CYP2S1: variants seen among roughly 807,000 people sequenced by gnomAD.
The protein encoded by CYP2S1 is cytochrome P450 2S1.
In CYP2S1, 32 loss-of-function variants were observed where a neutral mutation model predicts 43.5. The observed-to-expected ratio is 0.74, with a 90% CI of 0.56 to 0.99. CYP2S1 has a LOEUF of 0.99. Among genes scored for constraint, CYP2S1 ranks in the 50% least tolerant of loss-of-function variants. The pLI, the probability that CYP2S1 is intolerant of heterozygous loss-of-function variation, is 0.00. For synonymous variants in CYP2S1, 283 were observed against 302.9 expected (o/e 0.93, Z 0.68); for missense variants, 575 against 673.9 (o/e 0.85, Z 1.62).
At chr19:41,200,826 G>A (rs544492558) in intron 5 of CYP2S1, among the ~76,000 whole-genome samples, 53 of 152,244 alleles carry the variant, frequency 3.5e-4, no homozygotes, top group African/African-American at 1.3e-3. Context: ...AATGTGAAAC[G>A]ACGCAGCCCT....
intron 2 of CYP2S1, among the ~76,000 whole-genome samples, chr19:41,196,883 A>G (rs902037563): frequency 2.6e-5 from 4 of 151,780 alleles, no homozygotes; most frequent in African/African-American, 9.7e-5. Flanking sequence ...GGAGGAAACA[A>G]CTCTTCATTC....
chr19:41,202,745 C>T (rs2033505680), intron 6 of CYP2S1, among the ~76,000 whole-genome samples: 1 of 151,568 alleles, frequency 6.6e-6, no homozygotes, highest in Non-Finnish European at 1.5e-5. Context: ...TTACAGTGAG[C>T]CGTCATTGTA....
chr19:41,193,442 G>A lies in CYP2S1; in HGVS notation c.177+1G>A, dbSNP rs1229318195. The A allele has an allele frequency of 9.7e-6, 14 of 1,446,706 alleles. No individual in the cohort carries two copies. Among genetic ancestry groups the A allele is most frequent in the African/African-American group, 1.5e-5 (1 of 67,294 alleles). 89.6% of individuals were successfully genotyped at this position (1,446,706 alleles called of 1,614,324 possible). On this transcript the variant is annotated splice_donor_variant, in intron 1 of 8. Coordinates refer to ENST00000310054, the MANE Select transcript of CYP2S1 (RefSeq NM_030622.8). LOFTEE classifies it high-confidence loss of function. Reference sequence around the variant, plus strand: ...GGCGCTGTATTCAGGGCTCATGCGGGTAAGGGGCTCTGGGGACGTCCTGGC... The same window carrying A: ...GGCGCTGTATTCAGGGCTCATGCGGATAAGGGGCTCTGGGGACGTCCTGGC...
At chr19:41,201,729 AG>A (rs1448998300) in intron 6 of CYP2S1, among the ~76,000 whole-genome samples, 1 of 151,188 alleles carries the variant, frequency 6.6e-6, no homozygotes, top group African/African-American at 2.4e-5. Context: ...AGAATTCTAG[AG>A]GGAAGAGTGG....
At chr19:41,197,482 C>G (rs1036367565) in intron 2 of CYP2S1, among the ~76,000 whole-genome samples, 2 of 152,044 alleles carry the variant, frequency 1.3e-5, no homozygotes, top group Non-Finnish European at 2.9e-5. Flanking sequence ...GGGTGGATCA[C>G]AAGGTCAGGA....
Position 41,198,485 on chromosome 19 carries a change from C to T in CYP2S1, c.517C>T (p.Leu173=). 6.2e-7 allele frequency: 1 copy of T among 1,614,156 alleles called. No homozygotes were observed. Among genetic ancestry groups the T allele is most frequent in the African/African-American group, 1.3e-5 (1 of 75,060 alleles). ...AGGACGCCCATTCGATCCCTCCCTGCTGCTGGCCCAGGCCACCTCCAACGT... is the reference window on the plus strand; with the variant it reads ...AGGACGCCCATTCGATCCCTCCCTGTTGCTGGCCCAGGCCACCTCCAACGT... ...TEGRPFDPSL[L]LAQATSNVVC... is the part of the protein sequence containing the mutation. The change falls in exon 4 of 9, where the codon CTG becomes TTG. Residue 173 remains leucine (L), a synonymous_variant. Coordinates refer to ENST00000310054, the MANE Select transcript of CYP2S1 (RefSeq NM_030622.8). This position sits in a 1 kb window ranked among gnomAD's most constrained non-coding sequence, Gnocchi z 4.9.
At chr19:41,201,565 T>TGTG (rs1382015375) in intron 6 of CYP2S1, among the ~76,000 whole-genome samples, 193 bp downstream of exon 6, 1 of 151,700 alleles carries the variant, frequency 6.6e-6, no homozygotes, top group Non-Finnish European at 1.5e-5. Flanking sequence ...AATTAGCGGG[T>TGTG]GTGGTGGCAT....
rs369539924 is a variant in CYP2S1, at chr19:41,194,539, C to T, written c.178-5C>T. The T allele has an allele frequency of 6.3e-7, 1 of 1,575,558 alleles. No individual in the cohort carries two copies. Among genetic ancestry groups the T allele is most frequent in the South Asian group, 1.2e-5 (1 of 85,246 alleles). Reference sequence around the variant, plus strand: ...ACCCTCCTCTTTCTTCCTCCCTACCCCCAGCTGAGTAAGAAGTACGGACCG... The same window carrying T: ...ACCCTCCTCTTTCTTCCTCCCTACCTCCAGCTGAGTAAGAAGTACGGACCG... On this transcript the variant is annotated splice_polypyrimidine_tract_variant and splice_region_variant and intron_variant, in intron 1 of 8. Coordinates refer to ENST00000310054, the MANE Select transcript of CYP2S1 (RefSeq NM_030622.8).
At chr19:41,197,742 G>A in intron 2 of CYP2S1, 37 bp from the exon 3 acceptor site, 1 of 1,606,044 alleles carries the variant, frequency 6.2e-7, no homozygotes, top group Non-Finnish European at 8.5e-7. Flanking sequence ...ATGGGGGAGA[G>A]GGGCCGGTCC....
intron 2 of CYP2S1, among the ~76,000 whole-genome samples, chr19:41,196,771 C>T (rs983399571): frequency 6.6e-6 from 1 of 152,078 alleles, no homozygotes. Flanking sequence ...GAAAATGGTG[C>T]AGTTCCATCC....
At chr19:41,205,857 T>G (rs111526069) in intron 7 of CYP2S1, 101 bp from the exon 8 acceptor site, 7 of 1,453,872 alleles carry the variant, frequency 4.8e-6, no homozygotes, top group African/African-American at 4.2e-5. Flanking sequence ...TTAGGTTTTG[T>G]GAACTAGTGT....
At position 41,206,198 on chromosome 19, in the gene CYP2S1, G is replaced by A. The variant is rs551371127; in HGVS notation, c.1307-82G>A. ...CTTCTGCACCCTGGGCTTACTGTTG[G>A]CTCCTCCACCTGCTGTTCCCCCCGT... On this transcript the variant is annotated intron_variant, in intron 8 of 8. Coordinates refer to ENST00000310054, the MANE Select transcript of CYP2S1 (RefSeq NM_030622.8). 422 of 1,609,550 alleles carry A rather than the reference G, an allele frequency of 2.6e-4. 1 individual carries two copies. In the Middle Eastern group the frequency reaches 5.4e-3, roughly 20 times the overall value.
chr19:41,207,036 C>T lies in CYP2S1; in HGVS notation c.*548C>T, dbSNP rs8192798. ...CACCACTCTCCCAGCCTGTGACCACCGATGTCCACACACCCCCAACCACTT... is the reference window on the plus strand; with the variant it reads ...CACCACTCTCCCAGCCTGTGACCACTGATGTCCACACACCCCCAACCACTT... On this transcript the variant is annotated 3_prime_UTR_variant, in exon 9 of 9. Coordinates refer to ENST00000310054, the MANE Select transcript of CYP2S1 (RefSeq NM_030622.8). The T allele has an allele frequency of 8.5e-6, 3 of 351,594 alleles. No individual in the cohort carries two copies. Among genetic ancestry groups the T allele is most frequent in the East Asian group, 1.5e-4 (2 of 13,392 alleles). The allele number at this position is 351,594 out of a possible 1,614,324, so 21.8% of individuals were successfully genotyped here.
rs889471733 is a variant in CYP2S1 at position 41,193,311 on chromosome 19, T to G, written c.47T>G (p.Leu16Arg). The G allele has an allele frequency of 6.5e-7, 1 of 1,541,618 alleles. No individual in the cohort carries two copies. ...GCGCTGCTGCTGGCGCTGGCGCTGC[T>G]CCTGCTGCTGACGCTGGCGCTGTCC... ...TWALLLALALLLLLTLALSGT... is the reference protein window; with the variant it reads ...TWALLLALALRLLLTLALSGT... Residue 16 changes from leucine (L) to arginine (R), a missense_variant, in exon 1 of 9, where the codon CTC (leucine) becomes CGC (arginine). By Grantham distance (102) the Leu-to-Arg change is moderately radical (BLOSUM62 -2). Around this residue, in one of 2 missense-constraint regions of CYP2S1, gnomAD observed 353 missense variants for 367.6 expected, o/e 0.96. Coordinates refer to ENST00000310054, the MANE Select transcript of CYP2S1 (RefSeq NM_030622.8).
At position 41,194,540 on chromosome 19, in the gene CYP2S1, C is replaced by T; in HGVS notation, c.178-4C>T. 1 of 1,575,864 alleles carries T rather than the reference C, an allele frequency of 6.3e-7. No individual in the cohort carries two copies. Among genetic ancestry groups the T allele is most frequent in the Non-Finnish European group, 8.6e-7 (1 of 1,164,380 alleles). ...CCCTCCTCTTTCTTCCTCCCTACCC[C>T]CAGCTGAGTAAGAAGTACGGACCGG... On this transcript the variant is annotated splice_polypyrimidine_tract_variant and splice_region_variant and intron_variant, in intron 1 of 8. Coordinates refer to ENST00000310054, the MANE Select transcript of CYP2S1 (RefSeq NM_030622.8).
Position 41,198,509 on chromosome 19 carries a change from G to A in CYP2S1, c.541G>A (p.Val181Ile), listed in dbSNP as rs575164233. 17 of 1,614,082 alleles carry A rather than the reference G, an allele frequency of 1.1e-5. No individual in the cohort carries two copies. The highest frequency in any genetic ancestry group is 1.6e-4 in the Middle Eastern group (1 of 6,062). The change falls in exon 4 of 9, where the codon GTA becomes ATA. Residue 181 changes from valine to isoleucine, a missense_variant. Val to Ile is a conservative substitution (Grantham distance 29). Transcript: ENST00000310054. This position sits in a 1 kb window ranked among gnomAD's most constrained non-coding sequence, Gnocchi z 4.9. ...GCTGCTGGCCCAGGCCACCTCCAAC[G>A]TAGTCTGCTCCCTCCTCTTTGGCCT... ...SLLLAQATSN[V>I]VCSLLFGLRF...
In CYP2S1 at chr19:41,198,291, G is replaced by A. The variant is rs2033440724; in HGVS notation, c.494-171G>A. 6.6e-6 allele frequency among the ~76,000 whole-genome samples: 1 copy of A among 151,706 alleles called. No homozygotes were observed. ...TCACTCTGTTTCTTTCTCCCTGTCT[G>A]TTTCTCTGTCCCTATCTGTCTGTAT... On this transcript the variant is annotated intron_variant, in intron 3 of 8. Transcript: ENST00000310054. This position sits in a 1 kb window ranked among gnomAD's most constrained non-coding sequence, Gnocchi z 4.9.
rs765065551 is a variant in CYP2S1, at chr19:41,203,512, C to T, written c.1039C>T (p.Arg347Cys). 5.6e-6 allele frequency: 9 copies of T among 1,601,496 alleles called. No homozygotes were observed. Among genetic ancestry groups the T allele is most frequent in the Admixed American group, 3.4e-5 (2 of 58,820 alleles). Residue 347 changes from arginine to cysteine, a missense_variant, in exon 7 of 9, where the codon CGT (arginine) becomes TGT (cysteine). Arg to Cys is a radical substitution (Grantham distance 180). Transcript: ENST00000310054. ...GAGQAPSLGDRTRLPYTDAVL... is the reference protein window; with the variant it reads ...GAGQAPSLGDCTRLPYTDAVL... ...TGGCCAGGCACCAAGCCTAGGGGAC[C>T]GTACCCGCCTCCCTTACACCGACGC...
At chr19:41,194,953 TA>T in intron 2 of CYP2S1, among the ~76,000 whole-genome samples, 1 of 152,210 alleles carries the variant, frequency 6.6e-6, no homozygotes, top group South Asian at 2.1e-4. Context: ...CTGTCTCTAC[TA>T]AAAATATAAA....
Sources: allele counts gnomAD v4.1 joint callset (sites outside exome capture counted in the v4.1 genomes callset), GRCh38; gene constraint gnomAD v4.1.1; regional missense constraint gnomAD v4.1.1; non-coding constraint Gnocchi (gnomAD v3.1); transcripts MANE v1.5; gene names NCBI Gene and HGNC (gene_info 2026-07-23, HGNC 2026-07-21).